The following SPIC variants were observed in gnomAD, a reference collection of about 807,000 sequenced individuals.
SPIC encodes the protein Spi-C transcription factor.
A neutral mutation model predicts 16.7 loss-of-function variants in SPIC; 9 were observed. The observed-to-expected ratio is 0.54, with a 90% CI of 0.33 to 0.94. SPIC has a LOEUF of 0.94. Among genes scored for constraint, SPIC ranks in the 40% least tolerant of loss-of-function variants. SPIC has a pLI of 0.03. For missense variants in SPIC, 241 were observed against 285.8 expected, an observed-to-expected ratio of 0.84 and a Z score of 1.13; for synonymous variants, 97 against 102.9, an observed-to-expected ratio of 0.94 and a Z score of 0.35.
chr12:101,484,102 T>C (rs1373975698), intron 5 of SPIC, among the ~76,000 whole-genome samples: 1 of 149,472 alleles, frequency 6.7e-6, no homozygotes, highest in Non-Finnish European at 1.5e-5. Flanking sequence ...AAGTACAAAG[T>C]GAAAGTAAAA....
rs372825681 is a variant in SPIC, at chr12:101,476,894, A to T, written c.-11A>T. 5 of 1,445,760 alleles carry T rather than the reference A, an allele frequency of 3.5e-6. No homozygotes were observed. Among genetic ancestry groups the T allele is most frequent in the Non-Finnish European group, 4.6e-6 (5 of 1,080,202 alleles). The allele number at this position is 1,445,760 out of a possible 1,614,324, so 89.6% of individuals were successfully genotyped here. On this transcript the variant is annotated 5_prime_UTR_variant, in exon 2 of 6. Coordinates refer to ENST00000551346, the MANE Select transcript of SPIC (RefSeq NM_152323.3). Reference sequence around the variant, plus strand: ...TGCTAAGGAACAGAATTGTCAATTTATTAATGAAATATGGTAAGCTGACAT... The same window carrying T: ...TGCTAAGGAACAGAATTGTCAATTTTTTAATGAAATATGGTAAGCTGACAT...
intron 3 of SPIC, among the ~76,000 whole-genome samples, chr12:101,479,304 GAAAAAAGAA>G (rs1174189454): frequency 4.1e-5 from 1 of 24,536 alleles, no homozygotes; most frequent in African/African-American, 1.1e-4. Context: ...AAGAAAGAAA[GAAAAAAGAA>G]AGAAAGAAAG....
chr12:101,479,086 G>A (rs761437573), intron 3 of SPIC, among the ~76,000 whole-genome samples: 4 of 147,766 alleles, frequency 2.7e-5, no homozygotes, highest in East Asian at 3.9e-4. Context: ...GCAGTGAACC[G>A]AAATAACGTG....
chr12:101,476,440 GA>G (rs1872959465), intron 1 of SPIC, among the ~76,000 whole-genome samples: 1 of 152,060 alleles, frequency 6.6e-6, no homozygotes, highest in Admixed American at 6.5e-5. Flanking sequence ...TAACACCAAA[GA>G]AAGGTTTTTT....
intron 4 of SPIC, among the ~76,000 whole-genome samples, chr12:101,480,785 G>A (rs1047513435): frequency 6.6e-6 from 1 of 152,074 alleles, no homozygotes; most frequent in Non-Finnish European, 1.5e-5. Context: ...CCAAGAGTTC[G>A]AGACCAACCT....
At chr12:101,476,949 G>T in intron 2 of SPIC, 42 bp downstream of exon 2, 1 of 1,365,178 alleles carries the variant, frequency 7.3e-7, no homozygotes, top group Non-Finnish European at 9.7e-7. Flanking sequence ...TGTCCACAGA[G>T]GAGCTCTACA....
At chr12:101,482,684 C>A in intron 4 of SPIC, 108 bp from the exon 5 acceptor site, 1 of 1,037,164 alleles carries the variant, frequency 9.6e-7, no homozygotes, top group Non-Finnish European at 1.4e-6. Flanking sequence ...ATTCCTTTTG[C>A]AATCTGGGAG....
chr12:101,482,881 C>G lies in SPIC; in HGVS notation c.300C>G (p.Leu100=), dbSNP rs149463971. The stretch of plus-strand genomic sequence containing the variant: ...ACCAGCTGGTACAACCCACTCTTCT[C>G]CAGCAAAAGGGGGGAAAAGGTACGT... ...TENQLVQPTL[L]QQKGGKGRKK... The change falls in exon 5 of 6, where the codon CTC becomes CTG. Residue 100 remains leucine (L), a synonymous_variant. Coordinates refer to ENST00000551346, the MANE Select transcript of SPIC (RefSeq NM_152323.3). 955 of 1,613,948 alleles carry G rather than the reference C, an allele frequency of 5.9e-4. 6 individuals are homozygous for G. The highest frequency in any genetic ancestry group is 2.9e-3 in the Admixed American group (175 of 59,986).
At chr12:101,480,096 G>C (rs565767354) in intron 4 of SPIC, among the ~76,000 whole-genome samples, 1 of 152,156 alleles carries the variant, frequency 6.6e-6, no homozygotes, top group Non-Finnish European at 1.5e-5. Flanking sequence ...GATTACAGGC[G>C]TGAGCCACTG....
At chr12:101,485,583 T>C (rs994527635) in intron 5 of SPIC, among the ~76,000 whole-genome samples, 1 of 152,252 alleles carries the variant, frequency 6.6e-6, no homozygotes, top group Non-Finnish European at 1.5e-5. Context: ...CACTTTTACC[T>C]AGGTCTTCGG....
chr12:101,478,033 C>CTTTTTT (rs71091502), intron 3 of SPIC, among the ~76,000 whole-genome samples: 4 of 137,714 alleles, frequency 2.9e-5, no homozygotes, highest in African/African-American at 2.6e-5. Flanking sequence ...TTTCTTTTTT[C>CTTTTTT]TTTTTTTTTT....
chr12:101,484,051 A>G (rs996556290), intron 5 of SPIC, among the ~76,000 whole-genome samples: 19 of 151,492 alleles, frequency 1.3e-4, no homozygotes, highest in Non-Finnish European at 2.7e-4. Context: ...TTATTTTTCA[A>G]AATAGAAGTA....
chr12:101,485,826 C>T (rs1873347047), intron 5 of SPIC, among the ~76,000 whole-genome samples: 1 of 152,166 alleles, frequency 6.6e-6, no homozygotes, highest in South Asian at 2.1e-4. Flanking sequence ...CTCTGTTGCC[C>T]AGGCTGGAGT....
rs1409253922 is a variant in SPIC at position 101,482,847 on chromosome 12, T to C, written c.266T>C (p.Ile89Thr). The C allele has an allele frequency of 3.1e-6, 5 of 1,613,918 alleles. No homozygotes were observed. ...AATATTCATCAATCTCTGCAGAACA[T>C]AACTGAAAACCAGCTGGTACAACCC... Reference protein sequence around the residue: ...EGNIHQSLQNITENQLVQPTL... With the variant: ...EGNIHQSLQNTTENQLVQPTL... Residue 89 changes from isoleucine to threonine, a missense_variant, in exon 5 of 6, where the codon ATA becomes ACA. Transcript: ENST00000551346.
intron 5 of SPIC, among the ~76,000 whole-genome samples, chr12:101,484,260 A>G (rs1416170390): frequency 6.6e-6 from 1 of 152,048 alleles, no homozygotes; most frequent in Non-Finnish European, 1.5e-5. Flanking sequence ...AATTCTGGGC[A>G]TGGTGGCTCA....
Position 101,486,309 on chromosome 12 carries a change from A to T in SPIC, c.320-35A>T, listed in dbSNP as rs199658735. 2.2e-5 allele frequency: 35 copies of T among 1,568,882 alleles called. No individual in the cohort carries two copies. The Admixed American group carries it at 6.7e-4, about 30-fold the overall frequency. On this transcript the variant is annotated intron_variant, in intron 5 of 5. Transcript: ENST00000551346. Reference sequence around the variant, plus strand: ...CTGAGGATGTTCTCGGTTTACAGCCACGGTGGAGTTTGACCTTGTTTCCCT... The same window carrying T: ...CTGAGGATGTTCTCGGTTTACAGCCTCGGTGGAGTTTGACCTTGTTTCCCT...
chr12:101,484,144 C>T (rs1873291359), intron 5 of SPIC, among the ~76,000 whole-genome samples: 1 of 151,622 alleles, frequency 6.6e-6, no homozygotes, highest in South Asian at 2.1e-4. Flanking sequence ...TTCTAGAAAG[C>T]TTTTTTTAAA....
chr12:101,478,611 G>A (rs926336715), intron 3 of SPIC, among the ~76,000 whole-genome samples: 2 of 152,138 alleles, frequency 1.3e-5, no homozygotes, highest in African/African-American at 4.8e-5. Flanking sequence ...ATATCTGGTT[G>A]ACATTTATTT....
At chr12:101,483,084 G>C (rs73380802) in intron 5 of SPIC, among the ~76,000 whole-genome samples, 184 bp downstream of exon 5, 1,129 of 98,984 alleles carry the variant, frequency 0.011, 16 homozygotes, top group Middle Eastern at 0.04. Context: ...GAGACTTCCT[G>C]TGTTTTTTTT....
Sources: allele counts gnomAD v4.1 joint callset (sites outside exome capture counted in the v4.1 genomes callset), GRCh38; gene constraint gnomAD v4.1.1; transcripts MANE v1.5; gene names NCBI Gene and HGNC (gene_info 2026-07-23, HGNC 2026-07-21).